PROX2: variants seen among roughly 807,000 people sequenced by gnomAD.
PROX2 encodes the protein prospero homeobox protein 2.
Under a neutral mutation model 48.9 loss-of-function variants are expected in PROX2, and 46 were observed. That is an observed-to-expected ratio of 0.94 (90% CI 0.74 to 1.20). The LOEUF is 1.20. Among genes scored for constraint, PROX2 ranks in the 50% most tolerant of loss-of-function variants. The pLI is 0.00. For missense variants in PROX2, 663 were observed against 719.4 expected (o/e 0.92, Z 0.90); for synonymous variants, 260 against 276.6 (o/e 0.94, Z 0.60).
chr14:74,862,621 T>G lies in PROX2; in HGVS notation c.1214A>C (p.His405Pro). The change falls in exon 3 of 6, where the codon CAT becomes CCT. Residue 405 changes from histidine to proline, a missense_variant. By Grantham distance (77) the His-to-Pro change is moderately conservative. Coordinates refer to ENST00000556489, the MANE Select transcript of PROX2 (RefSeq NM_001243007.2). ...GGGAAGAAGGGGTAGACTTTCCAGA[T>G]GGGCAGAGGTGAAAGGCAAGGGACA... Reference protein sequence around the residue: ...QQCPLPFTSAHLESLPLLPSV... With the variant: ...QQCPLPFTSAPLESLPLLPSV... The G allele has an allele frequency of 6.2e-7, 1 of 1,614,000 alleles. No homozygotes were observed. The highest frequency in any genetic ancestry group is 1.7e-5 in the Admixed American group (1 of 60,024).
rs371134396 is a variant in PROX2, at chr14:74,856,894, A to G, written c.1515T>C (p.Asp505=). Residue 505 remains aspartate (D), a synonymous_variant, in exon 5 of 6, where the codon GAT becomes GAC. Transcript: ENST00000556489. ...CCAGCATTTTGGGATTTGTGACACC[A>G]TCTGAAATTGCTTGCCGGGCAGATT... The part of the protein sequence containing the change: ...MEKSARQAIS[D]GVTNPKMLVV... 4 of 1,613,892 alleles carry G rather than the reference A, an allele frequency of 2.5e-6. No individual in the cohort carries two copies. The African/African-American group carries it at 4.0e-5, about 16-fold the overall frequency.
At position 74,855,051 on chromosome 14, in the gene PROX2, C is replaced by T; in HGVS notation, c.*81G>A. ...TCCTTGTGCCCTTTTTATATGACTA[C>T]AGCTAAATTGCCCTTTAAGACAAAC... On this transcript the variant is annotated 3_prime_UTR_variant, in exon 6 of 6. Transcript: ENST00000556489. 3 of 944,830 alleles carry T rather than the reference C, an allele frequency of 3.2e-6. No individual in the cohort carries two copies. Among genetic ancestry groups the T allele is most frequent in the Non-Finnish European group, 4.5e-6 (3 of 671,554 alleles). The allele number at this position is 944,830 out of a possible 1,614,324, so 58.5% of individuals were successfully genotyped here.
chr14:74,873,308 C>T (rs190798268), intron 1 of PROX2, among the ~76,000 whole-genome samples: 110 of 152,260 alleles, frequency 7.2e-4, no homozygotes, highest in African/African-American at 2.6e-3. Flanking sequence ...CTTATGTGAA[C>T]TTACACAAAT....
intron 2 of PROX2, among the ~76,000 whole-genome samples, chr14:74,869,201 C>T (rs1480641143): frequency 1.3e-5 from 2 of 152,016 alleles, no homozygotes; most frequent in African/African-American, 4.8e-5. Context: ...TTAAACTGTT[C>T]TACTTCTTTT....
chr14:74,872,218 G>A (rs1180895155), intron 1 of PROX2, among the ~76,000 whole-genome samples: 1 of 152,206 alleles, frequency 6.6e-6, no homozygotes, highest in Non-Finnish European at 1.5e-5. Context: ...TCTCATCACT[G>A]TCATTGAAGC....
intron 2 of PROX2, among the ~76,000 whole-genome samples, chr14:74,870,546 A>T: frequency 6.6e-6 from 1 of 150,410 alleles, no homozygotes. Flanking sequence ...TTTTTTCTCT[A>T]TTTTTTCTTT....
chr14:74,868,360 T>A (rs552392171), intron 2 of PROX2, among the ~76,000 whole-genome samples: 197 of 107,770 alleles, frequency 1.8e-3, no homozygotes, highest in South Asian at 6.2e-3. Flanking sequence ...TATATATATA[T>A]AAACAAAAAT....
chr14:74,855,257 A>G lies in PROX2; in HGVS notation c.1654T>C (p.Phe552Leu). ...LEIASLTLQEFFRAVSAGRDS... is the reference protein window; with the variant it reads ...LEIASLTLQELFRAVSAGRDS... ...CTCCCTGCGGAGACAGCCCTGAAGA[A>G]CTCCTGTAACGTCAAGCTGGCAATT... Residue 552 changes from phenylalanine to leucine, a missense_variant, in exon 6 of 6, where the codon TTC (phenylalanine) becomes CTC (leucine). Physicochemically the swap from Phe to Leu is conservative, Grantham distance 22 (BLOSUM62 0). Coordinates refer to ENST00000556489, the MANE Select transcript of PROX2 (RefSeq NM_001243007.2). The G allele has an allele frequency of 6.4e-7, 1 of 1,570,186 alleles. No homozygotes were observed. The highest frequency in any genetic ancestry group is 8.7e-7 in the Non-Finnish European group (1 of 1,150,456).
At chr14:74,872,979 T>A (rs1003058555) in intron 1 of PROX2, among the ~76,000 whole-genome samples, 1 of 152,088 alleles carries the variant, frequency 6.6e-6, no homozygotes, top group African/African-American at 2.4e-5. Context: ...CTGGGGGGAA[T>A]CGTTAGCTAT....
intron 2 of PROX2, among the ~76,000 whole-genome samples, chr14:74,870,011 A>G (rs2140173526): frequency 6.6e-6 from 1 of 152,352 alleles, no homozygotes; most frequent in African/African-American, 2.4e-5. Flanking sequence ...GGTATGGTAT[A>G]ATCTACATGA....
In PROX2 at chr14:74,862,805, G is replaced by C; in HGVS notation, c.1030C>G (p.Gln344Glu). Reference protein sequence around the residue: ...LTAPSHIQENQILSQLLGHRY... With the variant: ...LTAPSHIQENEILSQLLGHRY... ...TGACCCAGTAGCTGGCTAAGAATCT[G>C]ATTTTCCTGGATGTGGGAAGGTGCA... The change falls in exon 3 of 6, where the codon CAG becomes GAG. Residue 344 changes from glutamine (Q) to glutamate (E), a missense_variant. Coordinates refer to ENST00000556489, the MANE Select transcript of PROX2 (RefSeq NM_001243007.2). 6.2e-7 allele frequency: 1 copy of C among 1,614,028 alleles called. No individual in the cohort carries two copies. The highest frequency in any genetic ancestry group is 1.1e-5 in the South Asian group (1 of 91,084).
At chr14:74,868,044 T>C (rs1482372899) in intron 2 of PROX2, among the ~76,000 whole-genome samples, 1 of 152,140 alleles carries the variant, frequency 6.6e-6, no homozygotes, top group African/African-American at 2.4e-5. Context: ...GAAGCAGTGA[T>C]GCTTTCTGTT....
At chr14:74,871,630 CA>C (rs1883218279) in intron 1 of PROX2, among the ~76,000 whole-genome samples, 1 of 152,018 alleles carries the variant, frequency 6.6e-6, no homozygotes, top group Non-Finnish European at 1.5e-5. Flanking sequence ...AAAAATTAAC[CA>C]GATGTGGTGG....
chr14:74,875,315 G>A (rs1161057965), intron 1 of PROX2, among the ~76,000 whole-genome samples: 2 of 152,180 alleles, frequency 1.3e-5, no homozygotes, highest in Non-Finnish European at 2.9e-5. Flanking sequence ...AGCGTTAGGG[G>A]TCCGAGGATC....
In PROX2 at chr14:74,863,377, G is replaced by A; in HGVS notation, c.458C>T (p.Ala153Val). The change falls in exon 3 of 6, where the codon GCT becomes GTT. Residue 153 changes from alanine (A) to valine (V), a missense_variant. Physicochemically the swap from Ala to Val is moderately conservative, Grantham distance 64. Coordinates refer to ENST00000556489, the MANE Select transcript of PROX2 (RefSeq NM_001243007.2). Reference sequence around the variant, plus strand: ...CTGAGCTGTGTCCCTGGGCTTGGCAGCCTGTAGGATGTGCTCTTGCAGATG... The same window carrying A: ...CTGAGCTGTGTCCCTGGGCTTGGCAACCTGTAGGATGTGCTCTTGCAGATG... The part of the protein sequence containing the change: ...LRHLQEHILQ[A>V]AKPRDTAQGP... 3 of 1,613,928 alleles carry A rather than the reference G, an allele frequency of 1.9e-6. No individual in the cohort carries two copies. Among genetic ancestry groups the A allele is most frequent in the Admixed American group, 1.7e-5 (1 of 60,014 alleles).
In PROX2 at chr14:74,853,172, T is replaced by C. The variant is rs949508097; in HGVS notation, c.*1960A>G. On this transcript the variant is annotated 3_prime_UTR_variant, in exon 6 of 6. Coordinates refer to ENST00000556489, the MANE Select transcript of PROX2 (RefSeq NM_001243007.2). The stretch of plus-strand genomic sequence containing the variant: ...CATTGGTCCCTGAGACAAGGTTCAC[T>C]GCCCTGGAGGTGACTTGGCTCAGTC... 3 of 152,252 alleles carry C rather than the reference T, an allele frequency of 2.0e-5. No individual in the cohort carries two copies. The highest frequency in any genetic ancestry group is 7.2e-5 in the African/African-American group (3 of 41,460). The allele number at this position is 152,252 out of a possible 1,614,324, so 9.4% of individuals were successfully genotyped here. A position where few individuals can be genotyped will look rare whatever the true frequency, so the allele number is the denominator to read the frequency against.
At position 74,858,407 on chromosome 14, in the gene PROX2, C is replaced by T. The variant is rs750915040; in HGVS notation, c.1413G>A (p.Gln471=). The T allele has an allele frequency of 5.1e-6, 8 of 1,554,822 alleles. No individual in the cohort carries two copies. The highest frequency in any genetic ancestry group is 6.1e-6 in the Non-Finnish European group (7 of 1,143,786). The change falls in exon 4 of 6, where the codon CAG becomes CAA. Residue 471 remains glutamine (Q), a splice_region_variant and synonymous_variant. Coordinates refer to ENST00000556489, the MANE Select transcript of PROX2 (RefSeq NM_001243007.2). Reference sequence around the variant, plus strand: ...CTGCCATTTAGTTGAGTGACTTTACCTGAACATCAGGAAAATAAACCTTCA... The same window carrying T: ...CTGCCATTTAGTTGAGTGACTTTACTTGAACATCAGGAAAATAAACCTTCA... ...NLLKVYFPDV[Q]FNRCITSQMI...
At chr14:74,859,701 G>A (rs2091780420) in intron 3 of PROX2, among the ~76,000 whole-genome samples, 1 of 152,226 alleles carries the variant, frequency 6.6e-6, no homozygotes, top group African/African-American at 2.4e-5. Flanking sequence ...TGTAGCTTAA[G>A]ACAGTGAAGA....
Position 74,862,882 on chromosome 14 carries a change from G to C in PROX2, c.953C>G (p.Pro318Arg), listed in dbSNP as rs114515836. 2.0e-3 allele frequency: 3,231 copies of C among 1,613,896 alleles called. 66 individuals carry two copies. The African/African-American group carries it at 0.039, about 19-fold the overall frequency. ...RLDSPRYPIP[P>R]RMTPKPCQDP... ...CTGACAGGGTTTGGGGGTCATTCTT[G>C]GAGGGATAGGGTACCTAGGAGAATC... Residue 318 changes from proline (P) to arginine (R), a missense_variant, in exon 3 of 6, where the codon CCA becomes CGA. Transcript: ENST00000556489.
Sources: gnomAD v4.1 joint callset for allele counts (sites outside exome capture counted in the v4.1 genomes callset) on GRCh38, gnomAD v4.1.1 for gene constraint, MANE v1.5 for transcripts, NCBI Gene and HGNC (gene_info 2026-07-23, HGNC 2026-07-21) for gene names.